BCHE: variants seen among roughly 807,000 people sequenced by gnomAD.
The protein encoded by BCHE is cholinesterase.
BCHE carries 48 observed loss-of-function variants against 51.3 expected under a neutral mutation model. That is an observed-to-expected ratio of 0.94 (90% CI 0.74 to 1.19). The LOEUF is 1.19. Among genes scored for constraint, BCHE ranks in the 50% most tolerant of loss-of-function variants. The probability of loss-of-function intolerance (pLI) is 0.00; values close to 1 mark genes in which losing one functional copy is unlikely to be tolerated. For synonymous variants in BCHE, 251 were observed against 238.0 expected, an observed-to-expected ratio of 1.05 and a Z score of -0.50; for missense variants, 847 against 708.2, an observed-to-expected ratio of 1.20 and a Z score of -2.23.
chr3:165,784,398 T>G (rs184886188), intron 3 of BCHE, among the ~76,000 whole-genome samples: 2 of 152,046 alleles, frequency 1.3e-5, no homozygotes, highest in Admixed American at 1.3e-4. Flanking sequence ...AATTATAAAA[T>G]ATATCTAATA....
At chr3:165,795,786 G>C (rs6779207) in intron 2 of BCHE, among the ~76,000 whole-genome samples, 12,083 of 152,096 alleles carry the variant, frequency 0.079, 736 homozygotes, top group African/African-American at 0.17. Flanking sequence ...ATGATTTCTT[G>C]TATCTAAATA....
intron 1 of BCHE, among the ~76,000 whole-genome samples, chr3:165,833,713 C>T (rs1715073308): frequency 6.6e-6 from 1 of 151,990 alleles, no homozygotes; most frequent in African/African-American, 2.4e-5. Context: ...TTTTTTCTTT[C>T]TGATAACCGC....
chr3:165,798,758 T>G (rs1305337640), intron 2 of BCHE, among the ~76,000 whole-genome samples: 1 of 152,086 alleles, frequency 6.6e-6, no homozygotes, highest in Non-Finnish European at 1.5e-5. Flanking sequence ...CTGGACTGAG[T>G]TAGAAGGATT....
At chr3:165,801,548 A>G (rs1317161232) in intron 2 of BCHE, among the ~76,000 whole-genome samples, 1 of 152,212 alleles carries the variant, frequency 6.6e-6, no homozygotes, top group South Asian at 2.1e-4. Context: ...AATATACATT[A>G]TAAAGATAAA....
chr3:165,827,842 G>A (rs570627358), intron 2 of BCHE: 103 of 290,898 alleles, frequency 3.5e-4, no homozygotes, highest in Middle Eastern at 1.3e-3. Context: ...TGCTGATGTT[G>A]AGAAGGAATA....
chr3:165,799,129 A>AT (rs1713540717), intron 2 of BCHE, among the ~76,000 whole-genome samples: 1 of 152,004 alleles, frequency 6.6e-6, no homozygotes, highest in Non-Finnish European at 1.5e-5. Context: ...AAGTTAAAAT[A>AT]TTTTTTCTAT....
At chr3:165,824,566 A>C (rs62292623) in intron 2 of BCHE, among the ~76,000 whole-genome samples, 11,256 of 152,078 alleles carry the variant, frequency 0.074, 517 homozygotes, top group East Asian at 0.11. Context: ...TCATCAAGAA[A>C]ACGATAGATA....
In BCHE at chr3:165,830,820, T is replaced by C. The variant is rs1714943682; in HGVS notation, c.214A>G (p.Lys72Glu). 6.2e-7 allele frequency: 1 copy of C among 1,613,948 alleles called. No individual in the cohort carries two copies. Among genetic ancestry groups the C allele is most frequent in the Non-Finnish European group, 8.5e-7 (1 of 1,179,936 alleles). Residue 72 changes from lysine to glutamate, a missense_variant, in exon 2 of 4, where the codon AAA becomes GAA. Lys to Glu is a moderately conservative substitution (Grantham distance 56). Transcript: ENST00000264381. ...CACTTGGTCAGAGACTGTGGCTTTT[T>C]GAATCGAAGTCTACCAAGAGGTGGC... ...AQPPLGRLRF[K>E]KPQSLTKWSD...
chr3:165,836,138 A>C (rs1715180791), intron 1 of BCHE, among the ~76,000 whole-genome samples: 1 of 151,958 alleles, frequency 6.6e-6, no homozygotes, highest in Non-Finnish European at 1.5e-5. Context: ...ATACAAACAA[A>C]CAACAACAAC....
intron 2 of BCHE, among the ~76,000 whole-genome samples, chr3:165,787,873 G>A (rs1713015340): frequency 2.0e-5 from 3 of 151,752 alleles, no homozygotes; most frequent in African/African-American, 4.8e-5. Context: ...ATCTGAAGGT[G>A]GTATTTAGAA....
chr3:165,822,701 A>G lies in BCHE; in HGVS notation c.1517+6816T>C, dbSNP rs186138352. 5.9e-3 allele frequency among the ~76,000 whole-genome samples: 892 copies of G among 152,206 alleles called. 3 individuals carry two copies. Among genetic ancestry groups the G allele is most frequent in the Non-Finnish European group, 9.7e-3 (657 of 67,966 alleles). On this transcript the variant is annotated intron_variant, in intron 2 of 3. Coordinates refer to ENST00000264381, the MANE Select transcript of BCHE (RefSeq NM_000055.4). ...ACAGCACCAAGGGAGGATATTGTAAAGAAAAGATCATCTGCAAGAGTAGAA... is the reference window on the plus strand; with the variant it reads ...ACAGCACCAAGGGAGGATATTGTAAGGAAAAGATCATCTGCAAGAGTAGAA...
intron 2 of BCHE, among the ~76,000 whole-genome samples, chr3:165,793,369 A>G (rs1466598944): frequency 1.3e-5 from 2 of 152,186 alleles, no homozygotes; most frequent in Non-Finnish European, 2.9e-5. Flanking sequence ...TGGGAACCAA[A>G]CTGAAGTAGT....
At chr3:165,809,308 A>G (rs1048207981) in intron 2 of BCHE, among the ~76,000 whole-genome samples, 1 of 152,164 alleles carries the variant, frequency 6.6e-6, no homozygotes, top group African/African-American at 2.4e-5. Flanking sequence ...AACCATAGCT[A>G]AACCCAACTT....
chr3:165,773,575 G>T (rs573549256), intron 3 of BCHE, 69 bp from the exon 4 acceptor site: 2 of 1,393,032 alleles, frequency 1.4e-6, no homozygotes, highest in African/African-American at 2.9e-5. Flanking sequence ...AAATAATTTC[G>T]AATACAAAAG....
At chr3:165,835,530 A>G (rs4680664) in intron 1 of BCHE, among the ~76,000 whole-genome samples, 119,932 of 151,700 alleles carry the variant, frequency 0.79, 47,619 homozygotes, top group Admixed American at 0.84. Context: ...TAATATTAAT[A>G]TGATCTAGAA....
intron 1 of BCHE, among the ~76,000 whole-genome samples, chr3:165,834,322 GATA>G (rs1217796798): frequency 1.3e-5 from 2 of 151,828 alleles, no homozygotes; most frequent in Non-Finnish European, 2.9e-5. Context: ...TTAATTTTTC[GATA>G]ATGATATCTG....
intron 2 of BCHE, among the ~76,000 whole-genome samples, chr3:165,801,589 A>T (rs1347169267): frequency 1.3e-5 from 2 of 152,194 alleles, no homozygotes; most frequent in African/African-American, 2.4e-5. Flanking sequence ...TTAGAAATTT[A>T]AAAAAAGTAT....
At chr3:165,778,816 A>G (rs1448418741) in intron 3 of BCHE, 1 of 339,778 alleles carries the variant, frequency 2.9e-6, no homozygotes, top group Non-Finnish European at 6.5e-6. Flanking sequence ...ATCTTGTTAT[A>G]CATCTGATAA....
chr3:165,796,433 T>G (rs1713379624), intron 2 of BCHE, among the ~76,000 whole-genome samples: 1 of 152,206 alleles, frequency 6.6e-6, no homozygotes, highest in Non-Finnish European at 1.5e-5. Context: ...TCTAATCATT[T>G]GTTTTATTAC....
Sources: gnomAD v4.1 joint callset for allele counts (sites outside exome capture counted in the v4.1 genomes callset) on GRCh38, gnomAD v4.1.1 for gene constraint, MANE v1.5 for transcripts, NCBI Gene and HGNC (gene_info 2026-07-23, HGNC 2026-07-21) for gene names.